The following KCNIP4 variants were observed in gnomAD, a reference collection of about 807,000 sequenced individuals.
KCNIP4 encodes the protein Kv channel-interacting protein 4.
In KCNIP4, 12 loss-of-function variants were observed where a neutral mutation model predicts 34.0. The observed-to-expected ratio is 0.35, with a 90% CI of 0.23 to 0.57. KCNIP4 has a LOEUF of 0.57. Ranked by LOEUF, KCNIP4 falls within the 20% of genes least tolerant of loss-of-function variation. KCNIP4 has a pLI of 0.83. For synonymous variants in KCNIP4, 124 were observed against 102.2 expected, an observed-to-expected ratio of 1.21 and a Z score of -1.29; for missense variants, 238 against 311.7, an observed-to-expected ratio of 0.76 and a Z score of 1.78.
chr4:21,231,820 CATT>C (rs961496439), intron 1 of KCNIP4, among the ~76,000 whole-genome samples: 3 of 152,046 alleles, frequency 2.0e-5, no homozygotes, highest in African/African-American at 7.2e-5. Context: ...ATTGCAATAA[CATT>C]AATAATTTGT....
intron 1 of KCNIP4, among the ~76,000 whole-genome samples, chr4:21,534,624 T>C (rs989736076): frequency 3.9e-5 from 6 of 152,160 alleles, no homozygotes; most frequent in African/African-American, 1.4e-4. Flanking sequence ...GTGACAATTG[T>C]AGCCATAAGT....
At chr4:20,982,459 T>C (rs1736156402) in intron 1 of KCNIP4, among the ~76,000 whole-genome samples, 1 of 152,206 alleles carries the variant, frequency 6.6e-6, no homozygotes, top group South Asian at 2.1e-4. Flanking sequence ...TATGCATTGA[T>C]TTCCTTCAGG....
chr4:20,862,590 C>T (rs556402372), intron 2 of KCNIP4, among the ~76,000 whole-genome samples: 138 of 152,190 alleles, frequency 9.1e-4, no homozygotes, highest in African/African-American at 3.2e-3. Context: ...ATTAAAAATG[C>T]CCTATCAAAG....
At chr4:21,868,351 C>T (rs1054291618) in intron 1 of KCNIP4, among the ~76,000 whole-genome samples, 81 of 151,846 alleles carry the variant, frequency 5.3e-4, no homozygotes, top group Non-Finnish European at 9.0e-4. Flanking sequence ...TATTGTACCC[C>T]ATAAATATGT....
intron 1 of KCNIP4, among the ~76,000 whole-genome samples, chr4:21,226,820 T>A (rs76744666): frequency 0.055 from 8,396 of 152,282 alleles, 332 homozygotes; most frequent in Non-Finnish European, 0.083. Context: ...CAAAACAACT[T>A]AATTCAACTT....
At chr4:21,932,137 AC>A (rs1310818498) in intron 1 of KCNIP4, among the ~76,000 whole-genome samples, 2 of 152,118 alleles carry the variant, frequency 1.3e-5, no homozygotes, top group Admixed American at 6.6e-5. Context: ...GGTAACCTAT[AC>A]CATATGCCTT....
At chr4:21,418,171 CCTCTCT>C (rs144729656) in intron 1 of KCNIP4, among the ~76,000 whole-genome samples, 1 of 149,832 alleles carries the variant, frequency 6.7e-6, no homozygotes, top group South Asian at 2.1e-4. Context: ...ACACTCTCTC[CCTCTCT>C]CTCTCTCTCT....
chr4:20,754,932 G>A (rs1244287097), intron 4 of KCNIP4, among the ~76,000 whole-genome samples: 2 of 152,086 alleles, frequency 1.3e-5, no homozygotes, highest in African/African-American at 4.8e-5. Context: ...TAAGATGTTG[G>A]TAGGCACTCA....
chr4:20,914,428 T>A (rs73805222), intron 1 of KCNIP4, among the ~76,000 whole-genome samples: 1 of 152,102 alleles, frequency 6.6e-6, no homozygotes, highest in Non-Finnish European at 1.5e-5. Context: ...CCCTTTTGCA[T>A]GTGAAAATGC....
At chr4:20,951,761 A>T (rs1194317074) in intron 1 of KCNIP4, among the ~76,000 whole-genome samples, 1 of 152,216 alleles carries the variant, frequency 6.6e-6, no homozygotes, top group Non-Finnish European at 1.5e-5. Context: ...GGAAGAAAGC[A>T]AGAAAATGAG....
intron 1 of KCNIP4, among the ~76,000 whole-genome samples, chr4:21,799,291 G>GC (rs904146787): frequency 1.3e-5 from 2 of 152,094 alleles, no homozygotes; most frequent in Non-Finnish European, 2.9e-5. Flanking sequence ...AACTTATGTG[G>GC]CTGAGGTCTA....
intron 1 of KCNIP4, among the ~76,000 whole-genome samples, chr4:21,775,355 G>A (rs1719104119): frequency 6.6e-6 from 1 of 152,094 alleles, no homozygotes; most frequent in Non-Finnish European, 1.5e-5. Context: ...TGGGACCTCT[G>A]ACCTCGAGGG....
chr4:21,874,197 A>G (rs1310130870), intron 1 of KCNIP4, among the ~76,000 whole-genome samples: 1 of 152,256 alleles, frequency 6.6e-6, no homozygotes, highest in East Asian at 1.9e-4. Context: ...TGTTAAGTCT[A>G]AAGCAGGAAT....
At chr4:21,691,938 T>C (rs1711696534) in intron 1 of KCNIP4, among the ~76,000 whole-genome samples, 1 of 151,984 alleles carries the variant, frequency 6.6e-6, no homozygotes, top group Admixed American at 6.6e-5. Flanking sequence ...GACCTGGTGA[T>C]CCACCCACCT....
intron 1 of KCNIP4, among the ~76,000 whole-genome samples, chr4:21,157,805 G>A (rs1280278763): frequency 6.6e-6 from 1 of 151,832 alleles, no homozygotes; most frequent in Admixed American, 6.6e-5. Flanking sequence ...TAAATCCCCT[G>A]TAAGCAAAAG....
intron 1 of KCNIP4, among the ~76,000 whole-genome samples, chr4:21,062,519 T>C (rs1370610813): frequency 6.9e-6 from 1 of 144,330 alleles, no homozygotes; most frequent in African/African-American, 2.6e-5. Context: ...CATATATGTA[T>C]GTGTGTGTGC....
chr4:21,290,024 CT>C (rs1763344364), intron 1 of KCNIP4, among the ~76,000 whole-genome samples: 1 of 152,078 alleles, frequency 6.6e-6, no homozygotes, highest in South Asian at 2.1e-4. Context: ...AAAAAAATAG[CT>C]TTTCTTTTAG....
intron 1 of KCNIP4, among the ~76,000 whole-genome samples, chr4:21,239,166 A>G (rs1759603812): frequency 6.6e-6 from 1 of 151,672 alleles, no homozygotes; most frequent in Non-Finnish European, 1.5e-5. Context: ...AAAACTGGCT[A>G]GCCATAGGTA....
In KCNIP4 at chr4:21,476,472, A is replaced by T. The variant is rs1730985856; in HGVS notation, c.61+472099T>A. 3.3e-5 allele frequency among the ~76,000 whole-genome samples: 5 copies of T among 152,130 alleles called. No homozygotes were observed. The South Asian group carries it at 1.0e-3, about 32-fold the overall frequency. On this transcript the variant is annotated intron_variant, in intron 1 of 8. Transcript: ENST00000382152. Reference sequence around the variant, plus strand: ...AAGAAGAGGAAGATGTTTCTCCCCTAAGGCCCCATGTGAGGATTTAGTGAA... The same window carrying T: ...AAGAAGAGGAAGATGTTTCTCCCCTTAGGCCCCATGTGAGGATTTAGTGAA...
Sources: allele counts gnomAD v4.1 joint callset (sites outside exome capture counted in the v4.1 genomes callset), GRCh38; gene constraint gnomAD v4.1.1; transcripts MANE v1.5; gene names NCBI Gene and HGNC (gene_info 2026-07-23, HGNC 2026-07-21).